Variants in ZNF385B observed in about 807,000 individuals in gnomAD.
The protein encoded by ZNF385B is zinc finger protein 533.
In ZNF385B, 23 loss-of-function variants were observed where a neutral mutation model predicts 39.2. The observed-to-expected ratio is 0.59, with a 90% confidence interval of 0.42 to 0.83. The LOEUF (loss-of-function observed/expected upper bound fraction) is 0.83. Among genes scored for constraint, ZNF385B ranks in the 40% least tolerant of loss-of-function variants. The pLI, the probability that ZNF385B is intolerant of heterozygous loss-of-function variation, is 0.00. For missense variants in ZNF385B, 552 were observed against 598.9 expected, an observed-to-expected ratio of 0.92 and a Z score of 0.82; for synonymous variants, 205 against 222.6, an observed-to-expected ratio of 0.92 and a Z score of 0.70.
At chr2:179,856,186 T>C (rs1684580215) in intron 1 of ZNF385B, among the ~76,000 whole-genome samples, 1 of 152,162 alleles carries the variant, frequency 6.6e-6, no homozygotes, top group South Asian at 2.1e-4. Flanking sequence ...GGAATATTCA[T>C]TTTCTTAAGA....
intron 3 of ZNF385B, among the ~76,000 whole-genome samples, chr2:179,646,196 C>T (rs1479349793): frequency 6.6e-6 from 1 of 152,170 alleles, no homozygotes; most frequent in Non-Finnish European, 1.5e-5. Flanking sequence ...GGGCAGATCA[C>T]CTGAGGTCAG....
chr2:179,563,252 T>C (rs1340982596), intron 3 of ZNF385B, among the ~76,000 whole-genome samples: 2 of 152,198 alleles, frequency 1.3e-5, no homozygotes, highest in Non-Finnish European at 2.9e-5. Context: ...CATCTGACCA[T>C]GTTGTCAGAA....
chr2:179,459,419 G>A lies in ZNF385B; in HGVS notation c.716-12649C>T, dbSNP rs138554999. Among the ~76,000 whole-genome samples the A allele has an allele frequency of 3.0e-3, 458 of 152,256 alleles. 1 individual carries two copies. Among genetic ancestry groups the A allele is most frequent in the Non-Finnish European group, 4.2e-3 (289 of 68,032 alleles). On this transcript the variant is annotated intron_variant, in intron 6 of 9. Coordinates refer to ENST00000410066, the MANE Select transcript of ZNF385B (RefSeq NM_152520.6). ...AAATTAATATCATTTCACCAAGAAA[G>A]TCTCCCTCTAGAAATCTGTCCTAAG...
Position 179,493,673 on chromosome 2 carries a change from GCA to G in ZNF385B, c.553-10241_553-10240del, listed in dbSNP as rs1559336360. Among the ~76,000 whole-genome samples, 5 of 107,172 alleles carry G rather than the reference GCA, an allele frequency of 4.7e-5. No individual in the cohort carries two copies. The East Asian group carries it at 1.4e-3, about 31-fold the overall frequency. 70.3% of individuals were successfully genotyped at this position (107,172 alleles called of 152,430 possible). ...CGTATACATATATGTATATGCATAT[GCA>G]TATACATATACACATATATACATAT... On this transcript the variant is annotated intron_variant, in intron 5 of 9. Coordinates refer to ENST00000410066, the MANE Select transcript of ZNF385B (RefSeq NM_152520.6).
At chr2:179,787,489 T>C (rs1220735400) in intron 1 of ZNF385B, among the ~76,000 whole-genome samples, 2 of 152,066 alleles carry the variant, frequency 1.3e-5, no homozygotes, top group African/African-American at 2.4e-5. Flanking sequence ...TTAAAACCAA[T>C]ACAATATCTC....
At chr2:179,446,396 C>T in intron 7 of ZNF385B, 129 bp downstream of exon 7, 2 of 1,299,732 alleles carry the variant, frequency 1.5e-6, no homozygotes, top group South Asian at 3.4e-5. Context: ...TAAAATCACT[C>T]CTTTGAATCA....
chr2:179,841,159 T>C (rs1434808644), intron 1 of ZNF385B, among the ~76,000 whole-genome samples: 1 of 152,212 alleles, frequency 6.6e-6, no homozygotes, highest in Non-Finnish European at 1.5e-5. Flanking sequence ...AAAAAGGTAA[T>C]CAATTCTTAC....
intron 3 of ZNF385B, among the ~76,000 whole-genome samples, chr2:179,610,637 C>T (rs1055096760): frequency 6.6e-6 from 1 of 152,054 alleles, no homozygotes; most frequent in Admixed American, 6.6e-5. Context: ...CTGTAGATTG[C>T]TTTGGGTAGT....
chr2:179,484,607 T>C (rs2054365658), intron 5 of ZNF385B, among the ~76,000 whole-genome samples: 1 of 151,908 alleles, frequency 6.6e-6, no homozygotes, highest in Non-Finnish European at 1.5e-5. Context: ...AGGTTGGTAG[T>C]TGGAAGCGAT....
At chr2:179,447,977 C>A (rs77638162) in intron 6 of ZNF385B, among the ~76,000 whole-genome samples, 1 of 81,982 alleles carries the variant, frequency 1.2e-5, no homozygotes, top group African/African-American at 5.4e-5. Flanking sequence ...TGATTTCCAT[C>A]CTTTTTTTTT....
chr2:179,581,903 A>G (rs897741589), intron 3 of ZNF385B, among the ~76,000 whole-genome samples: 4 of 152,184 alleles, frequency 2.6e-5, no homozygotes, highest in Non-Finnish European at 5.9e-5. Flanking sequence ...GGCTCCCGAT[A>G]AGCTGTAATA....
chr2:179,520,071 C>A (rs1348325324), intron 4 of ZNF385B, among the ~76,000 whole-genome samples: 1 of 151,950 alleles, frequency 6.6e-6, no homozygotes, highest in Admixed American at 6.6e-5. Context: ...GGGGCTTATG[C>A]CTATAATCCC....
chr2:179,466,756 A>C (rs2052064043), intron 6 of ZNF385B, among the ~76,000 whole-genome samples: 1 of 151,658 alleles, frequency 6.6e-6, no homozygotes, highest in Non-Finnish European at 1.5e-5. Flanking sequence ...CTCTGTTTCT[A>C]CTAAAAATAC....
chr2:179,778,339 A>C (rs878906509), intron 1 of ZNF385B, among the ~76,000 whole-genome samples: 7 of 152,162 alleles, frequency 4.6e-5, no homozygotes, highest in Admixed American at 2.6e-4. Flanking sequence ...TGTTCCTCCC[A>C]CTACGACTGC....
chr2:179,574,811 G>T (rs539557629), intron 3 of ZNF385B, among the ~76,000 whole-genome samples: 3 of 152,086 alleles, frequency 2.0e-5, no homozygotes, highest in African/African-American at 7.2e-5. Flanking sequence ...GGATGTTAGG[G>T]GGGAAGGGCT....
chr2:179,851,687 T>C (rs1684174001), intron 1 of ZNF385B, among the ~76,000 whole-genome samples: 1 of 152,178 alleles, frequency 6.6e-6, no homozygotes, highest in East Asian at 1.9e-4. Flanking sequence ...CATGACAAGA[T>C]GCTTCAAAAT....
chr2:179,670,262 C>A (rs1423911659), intron 3 of ZNF385B, among the ~76,000 whole-genome samples: 7 of 146,790 alleles, frequency 4.8e-5, no homozygotes, highest in East Asian at 2.0e-4. Context: ...ACTGCACTCT[C>A]GCCTGGGCCA....
chr2:179,520,184 GC>G (rs2058382764), intron 4 of ZNF385B, among the ~76,000 whole-genome samples: 1 of 151,640 alleles, frequency 6.6e-6, no homozygotes, highest in African/African-American at 2.4e-5. Context: ...AAAAAAAAAT[GC>G]TAAGAGGGGA....
intron 6 of ZNF385B, among the ~76,000 whole-genome samples, chr2:179,471,586 A>C (rs2052775412): frequency 6.6e-6 from 1 of 152,214 alleles, no homozygotes; most frequent in African/African-American, 2.4e-5. Flanking sequence ...CAGACATTAC[A>C]GTTGTCATAG....
Sources: allele counts gnomAD v4.1 joint callset (sites outside exome capture counted in the v4.1 genomes callset), GRCh38; gene constraint gnomAD v4.1.1; transcripts MANE v1.5; gene names NCBI Gene and HGNC (gene_info 2026-07-23, HGNC 2026-07-21).